Variants in CYP2F1 observed in about 807,000 individuals in gnomAD.
The protein encoded by CYP2F1 is cytochrome P450 family 2 subfamily F member 1, also known as cytochrome P450 2F1.
A neutral mutation model predicts 40.4 loss-of-function variants in CYP2F1; 33 were observed. The ratio of observed to expected loss-of-function variants is 0.82; its 90% confidence interval spans 0.62 to 1.09. The LOEUF (loss-of-function observed/expected upper bound fraction) is 1.09. Ranked by LOEUF, CYP2F1 falls within the 50% of genes least tolerant of loss-of-function variation. CYP2F1 has a pLI of 0.00. For synonymous variants in CYP2F1, 235 were observed against 277.2 expected (o/e 0.85, Z 1.51); for missense variants, 566 against 655.7 (o/e 0.86, Z 1.49).
chr19:41,127,429 G>A (rs1288248096), intron 9 of CYP2F1, among the ~76,000 whole-genome samples: 7 of 152,106 alleles, frequency 4.6e-5, no homozygotes, highest in Non-Finnish European at 2.9e-5. Context: ...TTGATCTCCT[G>A]GGCTCAAGTG....
intron 3 of CYP2F1, among the ~76,000 whole-genome samples, chr19:41,120,004 G>A (rs1297171429): frequency 6.6e-6 from 1 of 151,826 alleles, no homozygotes; most frequent in Non-Finnish European, 1.5e-5. Flanking sequence ...CCTCTGCACT[G>A]GACAATGCTA....
At chr19:41,117,057 C>T (rs28709328) in intron 3 of CYP2F1, among the ~76,000 whole-genome samples, 3,063 of 152,170 alleles carry the variant, frequency 0.02, 108 homozygotes, top group African/African-American at 0.07. Flanking sequence ...AACCTTCATT[C>T]CCATTATGAA....
rs981989111 is a variant in CYP2F1, at chr19:41,117,384, G to A, written c.334+767G>A. ...TAACCTCAGGTGATCCACCTACCTC[G>A]GCATCCCAACGTGCTGGGATTACAG... On this transcript the variant is annotated intron_variant, in intron 3 of 9. Coordinates refer to ENST00000331105, the MANE Select transcript of CYP2F1 (RefSeq NM_000774.5). Among the ~76,000 whole-genome samples, 11 of 151,944 alleles carry A rather than the reference G, an allele frequency of 7.2e-5. No individual in the cohort carries two copies. In the East Asian group the frequency reaches 1.7e-3, roughly 24 times the overall value.
At chr19:41,120,135 C>T (rs2032101000) in intron 3 of CYP2F1, among the ~76,000 whole-genome samples, 1 of 151,906 alleles carries the variant, frequency 6.6e-6, no homozygotes, top group Non-Finnish European at 1.5e-5. Flanking sequence ...GAAACAGAGG[C>T]AGAGTGATAG....
chr19:41,121,229 G>A (rs1047667770), intron 4 of CYP2F1, among the ~76,000 whole-genome samples: 8 of 152,074 alleles, frequency 5.3e-5, no homozygotes, highest in African/African-American at 1.9e-4. Flanking sequence ...GTTGGGCGTT[G>A]TTGCTGTCGA....
At chr19:41,124,622 C>A in intron 7 of CYP2F1, 97 bp from the exon 8 acceptor site, 2 of 1,143,242 alleles carry the variant, frequency 1.7e-6, no homozygotes, top group South Asian at 1.5e-5. Flanking sequence ...GAGACTTTGA[C>A]TAGACGCCTC....
At chr19:41,120,176 G>C (rs189394152) in intron 3 of CYP2F1, among the ~76,000 whole-genome samples, 171 bp from the exon 4 acceptor site, 10 of 152,152 alleles carry the variant, frequency 6.6e-5, no homozygotes, top group Non-Finnish European at 1.3e-4. Context: ...ATGGTCCTAT[G>C]GAAGCTTGAA....
intron 3 of CYP2F1, among the ~76,000 whole-genome samples, chr19:41,117,518 T>G (rs2031893254): frequency 1.3e-5 from 2 of 152,068 alleles, no homozygotes. Flanking sequence ...TCCCAGTTCT[T>G]GCTTTCAATC....
intron 6 of CYP2F1, among the ~76,000 whole-genome samples, chr19:41,122,491 TAC>T (rs1405279694): frequency 2.0e-5 from 3 of 151,632 alleles, no homozygotes; most frequent in East Asian, 1.9e-4. Context: ...CACACATACA[TAC>T]ACACACACAT....
chr19:41,119,631 G>A (rs1014051629), intron 3 of CYP2F1, among the ~76,000 whole-genome samples: 2 of 149,042 alleles, frequency 1.3e-5, no homozygotes, highest in African/African-American at 4.9e-5. Context: ...GGAGGTTGCA[G>A]TAAGCTGAGA....
chr19:41,125,572 A>G lies in CYP2F1; in HGVS notation c.1232A>G (p.Glu411Gly), dbSNP rs779843499. The G allele has an allele frequency of 6.2e-7, 1 of 1,609,374 alleles. No homozygotes were observed. The highest frequency in any genetic ancestry group is 8.5e-7 in the Non-Finnish European group (1 of 1,177,730). Residue 411 changes from glutamate (E) to glycine (G), a missense_variant, in exon 9 of 10, where the codon GAG becomes GGG. Glu to Gly is a moderately conservative substitution (Grantham distance 98). Coordinates refer to ENST00000331105, the MANE Select transcript of CYP2F1 (RefSeq NM_000774.5). ...CTGACGCCCCAGGAGTTCAACCCCGAGCATTTTTTGGATGCCAATCAGTCC... is the reference window on the plus strand; with the variant it reads ...CTGACGCCCCAGGAGTTCAACCCCGGGCATTTTTTGGATGCCAATCAGTCC... Reference protein sequence around the residue: ...QFLTPQEFNPEHFLDANQSFK... With the variant: ...QFLTPQEFNPGHFLDANQSFK...
At position 41,120,446 on chromosome 19, in the gene CYP2F1, G is replaced by C. The variant is rs145467892; in HGVS notation, c.434G>C (p.Arg145Pro). The change falls in exon 4 of 10, where the codon CGA (arginine) becomes CCA (proline). Residue 145 changes from arginine to proline, a missense_variant. Arg to Pro is a moderately radical substitution (Grantham distance 103). This residue lies in a region of CYP2F1 where 264 missense variants were observed against 275.7 expected (regional missense o/e 0.96). Coordinates refer to ENST00000331105, the MANE Select transcript of CYP2F1 (RefSeq NM_000774.5). Reference protein sequence around the residue: ...FGMGKRSIEERILEEGSFLLA... With the variant: ...FGMGKRSIEEPILEEGSFLLA... ...ATGGGGAAGAGAAGCATTGAGGAGC[G>C]AATCCTAGAGGAGGGCAGCTTCCTG... 3.1e-6 allele frequency: 5 copies of C among 1,613,762 alleles called. No individual in the cohort carries two copies. Among genetic ancestry groups the C allele is most frequent in the Non-Finnish European group, 4.2e-6 (5 of 1,179,936 alleles).
At chr19:41,115,596 A>T (rs1054775134) in intron 1 of CYP2F1, among the ~76,000 whole-genome samples, 1 of 152,202 alleles carries the variant, frequency 6.6e-6, no homozygotes. Context: ...TAGTAGATAG[A>T]TGATAGATAT....
At chr19:41,126,237 C>T (rs2032541854) in intron 9 of CYP2F1, among the ~76,000 whole-genome samples, 2 of 151,268 alleles carry the variant, frequency 1.3e-5, no homozygotes, top group Non-Finnish European at 2.9e-5. Flanking sequence ...ATTAGCCTGA[C>T]CAACATGGTG....
chr19:41,127,798 C>A (rs369538837), intron 9 of CYP2F1, 103 bp from the exon 10 acceptor site: 10 of 779,786 alleles, frequency 1.3e-5, no homozygotes, highest in East Asian at 1.1e-4. Flanking sequence ...ACGTCCCCAG[C>A]TGCTGTCTTC....
intron 9 of CYP2F1, among the ~76,000 whole-genome samples, chr19:41,126,200 C>A (rs2032539832): frequency 6.6e-6 from 1 of 151,026 alleles, no homozygotes; most frequent in African/African-American, 2.4e-5. Flanking sequence ...TCTAGGCGGG[C>A]AGATTACCTG....
chr19:41,121,439 T>C lies in CYP2F1; in HGVS notation c.485-19T>C, dbSNP rs1213483471. The C allele has an allele frequency of 6.2e-7, 1 of 1,604,872 alleles. No individual in the cohort carries two copies. The highest frequency in any genetic ancestry group is 1.7e-5 in the Admixed American group (1 of 59,490). On this transcript the variant is annotated intron_variant, in intron 4 of 9. Transcript: ENST00000331105. ...CTGCACATCGCGTCTTCCTGATCCA[T>C]TGCACTCCTTACCCTCAGGCGAGCC...
At position 41,126,629 on chromosome 19, in the gene CYP2F1, C is replaced by G. The variant is rs189788065; in HGVS notation, c.1294+995C>G. ...TACCTAGATGTGGTGTGGTGTGCAT[C>G]TGTGGTCCCAGCTACTTGGGAGGCT... On this transcript the variant is annotated intron_variant, in intron 9 of 9. Transcript: ENST00000331105. 3.5e-3 allele frequency among the ~76,000 whole-genome samples: 535 copies of G among 151,722 alleles called. 2 individuals carry two copies. The highest frequency in any genetic ancestry group is 0.012 in the African/African-American group (516 of 41,344).
At chr19:41,127,793 C>G in intron 9 of CYP2F1, 108 bp from the exon 10 acceptor site, 1 of 759,898 alleles carries the variant, frequency 1.3e-6, no homozygotes, top group Non-Finnish European at 2.1e-6. Context: ...CTGTGACGTC[C>G]CCAGCTGCTG....
Sources: gnomAD v4.1 joint callset for allele counts (sites outside exome capture counted in the v4.1 genomes callset) on GRCh38, gnomAD v4.1.1 for gene constraint, gnomAD v4.1.1 regional missense constraint, MANE v1.5 for transcripts, NCBI Gene and HGNC (gene_info 2026-07-23, HGNC 2026-07-21) for gene names.